Variants in AP2B1 observed in about 807,000 individuals in gnomAD.
The protein encoded by AP2B1 is AP-2 complex subunit beta.
In AP2B1, 23 loss-of-function variants were observed where a neutral mutation model predicts 102.0. The ratio of observed to expected loss-of-function variants is 0.23; its 90% CI spans 0.16 to 0.32. AP2B1 has a LOEUF of 0.32. Among genes scored for constraint, AP2B1 ranks in the 10% least tolerant of loss-of-function variants. The pLI is 1.00. For missense variants in AP2B1, 541 were observed against 1,157.4 expected (o/e 0.47, Z 7.73); for synonymous variants, 381 against 421.2 (o/e 0.90, Z 1.17).
chr17:35,689,627 T>G (rs1295921220), intron 18 of AP2B1, among the ~76,000 whole-genome samples: 1 of 152,240 alleles, frequency 6.6e-6, no homozygotes, highest in Non-Finnish European at 1.5e-5. Flanking sequence ...ATCAGTAAAG[T>G]GCACATATTA....
intron 14 of AP2B1, among the ~76,000 whole-genome samples, chr17:35,659,087 T>C (rs970337049): frequency 6.6e-6 from 1 of 152,242 alleles, no homozygotes. Flanking sequence ...CCTCATATGA[T>C]CATTCTACTT....
At chr17:35,593,208 C>A (rs1388037948) in intron 1 of AP2B1, among the ~76,000 whole-genome samples, 2 of 152,036 alleles carry the variant, frequency 1.3e-5, no homozygotes, top group Non-Finnish European at 2.9e-5. Flanking sequence ...TAGTTAGATA[C>A]AATGAATAAG....
At chr17:35,673,519 A>G (rs2075634920) in intron 16 of AP2B1, among the ~76,000 whole-genome samples, 1 of 152,086 alleles carries the variant, frequency 6.6e-6, no homozygotes, top group South Asian at 2.1e-4. Context: ...TTTTAATAGT[A>G]TAGGCCAGGT....
At chr17:35,653,205 A>G (rs117084731) in intron 13 of AP2B1, among the ~76,000 whole-genome samples, 2 of 152,308 alleles carry the variant, frequency 1.3e-5, no homozygotes, top group Non-Finnish European at 2.9e-5. Context: ...CATGTTTTCA[A>G]TTGATCCTTG....
intron 11 of AP2B1, among the ~76,000 whole-genome samples, chr17:35,640,169 G>A (rs1431955507): frequency 6.6e-6 from 1 of 151,500 alleles, no homozygotes; most frequent in Non-Finnish European, 1.5e-5. Flanking sequence ...CACCCGCCTC[G>A]GCCTCCCAGA....
intron 17 of AP2B1, 71 bp downstream of exon 17, chr17:35,674,392 A>G (rs947302378): frequency 1.3e-5 from 21 of 1,557,682 alleles, no homozygotes; most frequent in Middle Eastern, 1.7e-4. Context: ...AGAACATTCC[A>G]TTTAGCACTG....
intron 5 of AP2B1, among the ~76,000 whole-genome samples, chr17:35,611,021 G>C (rs144321691): frequency 1.3e-5 from 2 of 152,114 alleles, no homozygotes; most frequent in Admixed American, 1.3e-4. Flanking sequence ...GCTGTAGTGA[G>C]CTATGATTGC....
chr17:35,594,576 A>G (rs954838687), intron 2 of AP2B1, among the ~76,000 whole-genome samples: 1 of 152,174 alleles, frequency 6.6e-6, no homozygotes, highest in African/African-American at 2.4e-5. Context: ...ATGATTTAAA[A>G]TTTTTTTATC....
intron 17 of AP2B1, among the ~76,000 whole-genome samples, chr17:35,680,864 G>A (rs978615750): frequency 4.0e-5 from 6 of 151,516 alleles, no homozygotes; most frequent in African/African-American, 1.2e-4. Flanking sequence ...GCTAATTTTT[G>A]TTGTATTTTT....
chr17:35,629,225 GGTGTGAGT>G (rs1218293571), intron 9 of AP2B1, among the ~76,000 whole-genome samples: 1 of 152,152 alleles, frequency 6.6e-6, no homozygotes, highest in Admixed American at 6.5e-5. Context: ...TGAGATTATA[GGTGTGAGT>G]TACCACACCT....
Position 35,680,706 on chromosome 17 carries a change from T to G in AP2B1, c.2325-1989T>G, listed in dbSNP as rs796841962. On this transcript the variant is annotated intron_variant, in intron 17 of 21. Transcript: ENST00000610402. The stretch of plus-strand genomic sequence containing the variant: ...TTTTGGTTTTTTTTTTTTTGTTTTT[T>G]TTTTTTTTTTCAGACAGTCTTGCTC... Among the ~76,000 whole-genome samples the G allele has an allele frequency of 7.1e-4, 104 of 147,382 alleles. No homozygotes were observed. The East Asian group carries it at 0.01, about 14-fold the overall frequency.
At chr17:35,703,877 A>C (rs2076289524) in intron 18 of AP2B1, among the ~76,000 whole-genome samples, 1 of 144,120 alleles carries the variant, frequency 6.9e-6, no homozygotes, top group Admixed American at 7.0e-5. Flanking sequence ...CCTATTATCC[A>C]AGTGAAGATA....
intron 14 of AP2B1, among the ~76,000 whole-genome samples, chr17:35,664,405 T>G (rs960029304): frequency 9.2e-5 from 14 of 152,162 alleles, no homozygotes; most frequent in African/African-American, 2.9e-4. Context: ...AGGCACATGC[T>G]GCACACATGG....
At chr17:35,719,266 G>A (rs965805741) in intron 21 of AP2B1, among the ~76,000 whole-genome samples, 11 of 151,926 alleles carry the variant, frequency 7.2e-5, no homozygotes, top group Non-Finnish European at 1.2e-4. Context: ...TTGGGGGTGG[G>A]GGATTGGTAG....
chr17:35,595,002 T>C (rs1455659289), intron 2 of AP2B1, among the ~76,000 whole-genome samples: 1 of 152,248 alleles, frequency 6.6e-6, no homozygotes, highest in Non-Finnish European at 1.5e-5. Context: ...ATCAGAATTC[T>C]GTGCTTTTGT....
At chr17:35,644,850 G>T (rs953713361) in intron 12 of AP2B1, among the ~76,000 whole-genome samples, 12 of 152,054 alleles carry the variant, frequency 7.9e-5, no homozygotes, top group Non-Finnish European at 1.6e-4. Context: ...TGTGCAACAT[G>T]GCAAAATCCC....
At chr17:35,680,159 C>A (rs587722690) in intron 17 of AP2B1, among the ~76,000 whole-genome samples, 1 of 152,086 alleles carries the variant, frequency 6.6e-6, no homozygotes, top group African/African-American at 2.4e-5. Flanking sequence ...CCACCAGCCT[C>A]GGCCTCCCAA....
At chr17:35,626,406 A>G (rs1030127720) in intron 6 of AP2B1, among the ~76,000 whole-genome samples, 1 of 151,996 alleles carries the variant, frequency 6.6e-6, no homozygotes, top group African/African-American at 2.4e-5. Flanking sequence ...GGTTTCCTGA[A>G]GTCTTCTTAT....
Position 35,719,994 on chromosome 17 carries a change from A to C in AP2B1, c.2781+2645A>C, listed in dbSNP as rs587619480. On this transcript the variant is annotated intron_variant, in intron 21 of 21. Transcript: ENST00000610402. ...CACCCGTGGAAGTGCCCAGGCCATCAAAGGTATGCATATCCAAATAGCCAC... is the reference window on the plus strand; with the variant it reads ...CACCCGTGGAAGTGCCCAGGCCATCCAAGGTATGCATATCCAAATAGCCAC... Among the ~76,000 whole-genome samples the C allele has an allele frequency of 3.9e-5, 6 of 152,324 alleles. No homozygotes were observed. In the South Asian group the frequency reaches 6.2e-4, roughly 16 times the overall value.
Sources: gnomAD v4.1 joint callset for allele counts (sites outside exome capture counted in the v4.1 genomes callset) on GRCh38, gnomAD v4.1.1 for gene constraint, MANE v1.5 for transcripts, NCBI Gene and HGNC (gene_info 2026-07-23, HGNC 2026-07-21) for gene names.